RNF10: variants seen among roughly 807,000 people sequenced by gnomAD.
RNF10 encodes E3 ubiquitin-protein ligase RNF10.
RNF10 carries 38 observed loss-of-function variants against 91.4 expected under a neutral mutation model. The ratio of observed to expected loss-of-function variants is 0.42; its 90% CI spans 0.32 to 0.54. The LOEUF is 0.54. Ranked by LOEUF, RNF10 falls within the 20% of genes least tolerant of loss-of-function variation. RNF10 has a pLI of 0.16. For synonymous variants in RNF10, 364 were observed against 366.3 expected, an observed-to-expected ratio of 0.99 and a Z score of 0.07; for missense variants, 945 against 1,012.0, an observed-to-expected ratio of 0.93 and a Z score of 0.90.
chr12:120,535,776 T>TA (rs1287365833), intron 1 of RNF10, among the ~76,000 whole-genome samples: 2 of 152,184 alleles, frequency 1.3e-5, no homozygotes, highest in African/African-American at 4.8e-5. Flanking sequence ...ACCATGTTGA[T>TA]AATAGCTACC....
chr12:120,560,299 GCCCTA>G, intron 6 of RNF10, among the ~76,000 whole-genome samples: 1 of 151,950 alleles, frequency 6.6e-6, no homozygotes, highest in Non-Finnish European at 1.5e-5. Context: ...TTACAGGCAT[GCCCTA>G]CCAGGCCCGA....
chr12:120,551,291 T>TTG (rs1189526840), intron 2 of RNF10, among the ~76,000 whole-genome samples: 3 of 27,476 alleles, frequency 1.1e-4, no homozygotes, highest in East Asian at 3.9e-3. Context: ...CATCCTAGTG[T>TTG]TTTTTTTTTT....
At position 120,534,962 on chromosome 12, in the gene RNF10, A is replaced by T; in HGVS notation, c.151A>T (p.Lys51Ter). 6.3e-7 allele frequency: 1 copy of T among 1,597,220 alleles called. No homozygotes were observed. Residue 51 changes from lysine to a stop codon, truncating the protein, a stop_gained, in exon 1 of 17, where the codon AAG (lysine) becomes TAG (stop). Coordinates refer to ENST00000325954, the MANE Select transcript of RNF10 (RefSeq NM_014868.5). LOFTEE classifies it high-confidence loss of function. ...GGGGCCAGCCGGCGAGTCTAAACCC[A>T]AGAGCGGTAAGGACGGGCCTGCGGC... ...SAGPAGESKP[K>*]SDGKNSSGSK...
At chr12:120,542,021 C>T (rs1356477329) in intron 1 of RNF10, among the ~76,000 whole-genome samples, 1 of 151,666 alleles carries the variant, frequency 6.6e-6, no homozygotes, top group African/African-American at 2.4e-5. Flanking sequence ...CTCCCGCCAC[C>T]ACGCCTGGTT....
chr12:120,541,295 T>C (rs1871523922), intron 1 of RNF10, among the ~76,000 whole-genome samples: 1 of 152,182 alleles, frequency 6.6e-6, no homozygotes, highest in Non-Finnish European at 1.5e-5. Context: ...TCTTGGATAA[T>C]GAGGTTGGAG....
rs747083327 is a variant in RNF10, at chr12:120,576,718, T to A, written c.*52T>A. 1 of 1,594,016 alleles carries A rather than the reference T, an allele frequency of 6.3e-7. No individual in the cohort carries two copies. The highest frequency in any genetic ancestry group is 8.5e-7 in the Non-Finnish European group (1 of 1,174,038). On this transcript the variant is annotated 3_prime_UTR_variant, in exon 17 of 17. Transcript: ENST00000325954. ...ATCTGGTTTTTGTTTTTGTTTTTTT[T>A]TCCCCCATGCTTTTGTTTGGCTGCT...
Position 120,563,571 on chromosome 12 carries a change from C to T in RNF10, c.1479C>T (p.Thr493=), listed in dbSNP as rs1241256387. The T allele has an allele frequency of 6.2e-7, 1 of 1,613,242 alleles. No individual in the cohort carries two copies. Residue 493 remains threonine (T), a synonymous_variant, in exon 9 of 17, where the codon ACC becomes ACT. Transcript: ENST00000325954. ...AGTCCAGCCAGCAGGAACCCATCAC[C>T]AAGTCAGGCTTCACACGCCTCAGCA... The part of the protein sequence containing the change: ...CTESSQQEPI[T]KSGFTRLSSS...
intron 4 of RNF10, 35 bp downstream of exon 4, chr12:120,554,843 G>C: frequency 6.5e-7 from 1 of 1,527,364 alleles, no homozygotes; most frequent in African/African-American, 1.4e-5. Context: ...AGCTATGAAT[G>C]GGAGCACTAA....
rs1282520190 is a variant in RNF10, at chr12:120,546,413, A to G, written c.166A>G (p.Asn56Asp). The G allele has an allele frequency of 1.2e-6, 2 of 1,608,052 alleles. No homozygotes were observed. Among genetic ancestry groups the G allele is most frequent in the Non-Finnish European group, 1.7e-6 (2 of 1,177,682 alleles). Residue 56 changes from asparagine (N) to aspartate (D), a missense_variant, in exon 2 of 17, where the codon AAC becomes GAC. By Grantham distance (23) the Asn-to-Asp change is conservative. Transcript: ENST00000325954. ...GESKPKSDGK[N>D]SSGSKRYNRK... ...GTGTTTCTTGCTTTCAGATGGAAAG[A>G]ACTCCAGTGGATCCAAGCGTTATAA...
intron 13 of RNF10, among the ~76,000 whole-genome samples, chr12:120,567,439 A>G (rs1189765691): frequency 6.6e-6 from 1 of 152,140 alleles, no homozygotes; most frequent in East Asian, 1.9e-4. Flanking sequence ...GTGGTGGCTT[A>G]TGCCTGTAAT....
chr12:120,572,900 CTTTTTTTT>C (rs35567785), intron 14 of RNF10, among the ~76,000 whole-genome samples: 5 of 100,642 alleles, frequency 5.0e-5, no homozygotes, highest in African/African-American at 1.1e-4. Flanking sequence ...TGCGCCTGGC[CTTTTTTTT>C]TTTTTTTTTT....
intron 1 of RNF10, among the ~76,000 whole-genome samples, chr12:120,537,526 G>C (rs1252118810): frequency 6.6e-6 from 1 of 152,112 alleles, no homozygotes; most frequent in Admixed American, 6.5e-5. Flanking sequence ...TACTCGGGGG[G>C]CTGAGGCAGG....
At position 120,550,216 on chromosome 12, in the gene RNF10, T is replaced by TG. The variant is rs572684464; in HGVS notation, c.355-2281dup. On this transcript the variant is annotated intron_variant, in intron 2 of 16. Coordinates refer to ENST00000325954, the MANE Select transcript of RNF10 (RefSeq NM_014868.5). ...TACATGTAGCTACTGGCTGCTGTGT[T>TG]GGACATTACAGCTGTAGAACGGAAA... is the stretch of plus-strand genomic sequence containing the variant. 9.3e-4 allele frequency among the ~76,000 whole-genome samples: 142 copies of TG among 152,262 alleles called. 2 individuals carry two copies. The highest frequency in any genetic ancestry group is 3.2e-3 in the African/African-American group (133 of 41,538).
chr12:120,575,941 C>A lies in RNF10; in HGVS notation c.2350C>A (p.Pro784Thr). ...MKLDTPATSD[P>T]LSEEKGGKKR... ...ACTGGACACACCAGCTACTTCAGAT[C>A]CCCTCTCTGGTAAGGGCAGAGGCTG... Residue 784 changes from proline (P) to threonine (T), a missense_variant, in exon 16 of 17, where the codon CCC becomes ACC. Transcript: ENST00000325954. The A allele has an allele frequency of 1.2e-6, 2 of 1,613,654 alleles. No individual in the cohort carries two copies. Among genetic ancestry groups the A allele is most frequent in the Non-Finnish European group, 1.7e-6 (2 of 1,180,030 alleles).
At chr12:120,561,104 A>G (rs1008762701) in intron 7 of RNF10, among the ~76,000 whole-genome samples, 1 of 152,206 alleles carries the variant, frequency 6.6e-6, no homozygotes, top group African/African-American at 2.4e-5. Context: ...GGTTTAACCT[A>G]GGGCTTTTAA....
intron 11 of RNF10, 95 bp downstream of exon 11, chr12:120,565,284 C>A: frequency 8.8e-7 from 1 of 1,140,162 alleles, no homozygotes; most frequent in South Asian, 1.3e-5. Context: ...GGAACTGTAT[C>A]ATGAGTCTTA....
intron 1 of RNF10, among the ~76,000 whole-genome samples, chr12:120,537,662 T>C (rs1254056836): frequency 2.6e-5 from 4 of 152,022 alleles, no homozygotes; most frequent in African/African-American, 7.2e-5. Context: ...ATAACACATA[T>C]GTGCCTTGAG....
At chr12:120,556,320 G>C (rs1555227149) in intron 4 of RNF10, among the ~76,000 whole-genome samples, 2 of 151,196 alleles carry the variant, frequency 1.3e-5, no homozygotes, top group Non-Finnish European at 3.0e-5. Flanking sequence ...GGATCACGGG[G>C]TCAGGAGATC....
intron 7 of RNF10, among the ~76,000 whole-genome samples, chr12:120,561,544 G>A (rs1442152498): frequency 2.0e-5 from 3 of 152,198 alleles, no homozygotes; most frequent in Non-Finnish European, 4.4e-5. Flanking sequence ...CTAGCTTAGA[G>A]CAATAGAAGC....
Sources: allele counts gnomAD v4.1 joint callset (sites outside exome capture counted in the v4.1 genomes callset), GRCh38; gene constraint gnomAD v4.1.1; transcripts MANE v1.5; gene names NCBI Gene and HGNC (gene_info 2026-07-23, HGNC 2026-07-21).